TPTE2: variants seen among roughly 807,000 people sequenced by gnomAD.
The protein encoded by TPTE2 is transmembrane phosphoinositide 3-phosphatase and tensin homolog 2.
TPTE2 carries 53 observed loss-of-function variants against 78.6 expected under a neutral mutation model. The observed-to-expected ratio is 0.67, with a 90% CI of 0.54 to 0.85. TPTE2 has a LOEUF of 0.85. Among genes scored for constraint, TPTE2 ranks in the 40% least tolerant of loss-of-function variants. The probability of loss-of-function intolerance (pLI) is 0.00; values close to 1 mark genes in which losing one functional copy is unlikely to be tolerated. For synonymous variants in TPTE2, 175 were observed against 206.2 expected (o/e 0.85, Z 1.30); for missense variants, 461 against 623.0 (o/e 0.74, Z 2.77).
intron 3 of TPTE2, among the ~76,000 whole-genome samples, chr13:19,490,571 A>G (rs1593392812): frequency 1.3e-5 from 2 of 152,234 alleles, no homozygotes; most frequent in East Asian, 3.9e-4. Flanking sequence ...CATAAAATCA[A>G]CTTCAGTTTG....
intron 1 of TPTE2, among the ~76,000 whole-genome samples, chr13:19,511,576 A>T (rs757235585): frequency 1.3e-5 from 2 of 152,182 alleles, no homozygotes; most frequent in Non-Finnish European, 2.9e-5. Flanking sequence ...TCTAAAGGGC[A>T]TCAGGTTCTT....
In TPTE2 at chr13:19,512,024, T is replaced by C. The variant is rs190722604; in HGVS notation, c.-43-8747A>G. ...TATCTCCCCCCAAAGTGGATATTAA[T>C]TAGAAACTGAATAATATTTACTTGT... is the stretch of plus-strand genomic sequence containing the variant. On this transcript the variant is annotated intron_variant, in intron 1 of 17. Transcript: ENST00000390680. Among the ~76,000 whole-genome samples, 16 of 152,296 alleles carry C rather than the reference T, an allele frequency of 1.1e-4. No homozygotes were observed. In the East Asian group the frequency reaches 3.1e-3, roughly 29 times the overall value.
intron 1 of TPTE2, among the ~76,000 whole-genome samples, chr13:19,517,830 C>G (rs1453089530): frequency 1.3e-5 from 2 of 152,116 alleles, no homozygotes; most frequent in Non-Finnish European, 2.9e-5. Context: ...CATACAGATA[C>G]TCATTAAAGA....
chr13:19,492,858 G>A, exon 3 of TPTE2: 1 of 1,613,916 alleles, frequency 6.2e-7, no homozygotes, highest in South Asian at 1.1e-5. Context: ...ACCTTTTACT[G>A]ATAGGTGACA....
chr13:19,494,486 C>A (rs1284450139), intron 1 of TPTE2, among the ~76,000 whole-genome samples: 2 of 152,170 alleles, frequency 1.3e-5, no homozygotes, highest in African/African-American at 4.8e-5. Flanking sequence ...CAGCTCACTG[C>A]AAACTCCACT....
chr13:19,423,218 C>T (rs1355148674), intron 19 of TPTE2, 54 bp from the exon 23 acceptor site: 14 of 1,418,966 alleles, frequency 9.9e-6, no homozygotes, highest in South Asian at 4.0e-5. Context: ...CAAAAAGCCA[C>T]GCAGTTGGGT....
intron 3 of TPTE2, among the ~76,000 whole-genome samples, chr13:19,485,774 T>C (rs1444289087): frequency 3.3e-5 from 5 of 152,088 alleles, no homozygotes; most frequent in Non-Finnish European, 5.9e-5. Flanking sequence ...GTCTTCAAGT[T>C]CAGAAATTAT....
intron 1 of TPTE2, among the ~76,000 whole-genome samples, chr13:19,520,189 TAG>T (rs1027413387): frequency 4.6e-5 from 7 of 152,176 alleles, no homozygotes; most frequent in African/African-American, 1.4e-4. Context: ...TGCAAAAAAA[TAG>T]AGTTTCACTT....
rs376048018 is a variant in TPTE2 at position 19,523,183 on chromosome 13, C to T, written c.-44+13413G>A. 8.5e-5 allele frequency among the ~76,000 whole-genome samples: 13 copies of T among 152,192 alleles called. No homozygotes were observed. In the East Asian group the frequency reaches 2.5e-3, roughly 29 times the overall value. ...CCATTTTGTTCCTTTCTATGGCTCC[C>T]AGGAGCTTGTTTTTCACCAAGATTG... On this transcript the variant is annotated intron_variant, in intron 1 of 17. Coordinates refer to the TPTE2 transcript ENST00000390680.
upstream of TPTE2, among the ~76,000 whole-genome samples, chr13:19,539,898 A>G (rs1247329768): frequency 1.3e-5 from 2 of 152,146 alleles, no homozygotes; most frequent in Non-Finnish European, 2.9e-5. Context: ...TAATCCCAGC[A>G]GTTTGGGAAG....
intron 10 of TPTE2, among the ~76,000 whole-genome samples, chr13:19,463,258 G>T (rs1879057295): frequency 6.6e-6 from 1 of 152,142 alleles, no homozygotes; most frequent in African/African-American, 2.4e-5. Flanking sequence ...TGGGATAACA[G>T]GTGTGAACCA....
intron 10 of TPTE2, among the ~76,000 whole-genome samples, chr13:19,463,667 T>C (rs1388551677): frequency 6.6e-6 from 1 of 152,174 alleles, no homozygotes. Flanking sequence ...TTGTCTCCTA[T>C]AGTGTTCATT....
At chr13:19,428,451 A>G (rs1018028597) in intron 17 of TPTE2, among the ~76,000 whole-genome samples, 1 of 151,934 alleles carries the variant, frequency 6.6e-6, no homozygotes, top group Non-Finnish European at 1.5e-5. Flanking sequence ...TCCATCTCAG[A>G]AAAAAAAGAA....
chr13:19,548,616 T>C, the TPTE2 span, among the ~76,000 whole-genome samples: 13,439 of 145,920 alleles, frequency 0.092, 586 homozygotes, highest in Middle Eastern at 0.19. Context: ...AAATTGAGAG[T>C]TACTCTAGGA....
intron 15 of TPTE2, among the ~76,000 whole-genome samples, 162 bp from the exon 19 acceptor site, chr13:19,432,740 C>T (rs931480162): frequency 1.3e-5 from 2 of 150,326 alleles, no homozygotes; most frequent in Non-Finnish European, 3.0e-5. Context: ...GGGATGCTGC[C>T]CCACAACTAT....
In TPTE2 at chr13:19,498,008, A is replaced by C. The variant is rs1338984849; in HGVS notation, c.12-4507T>G. On this transcript the variant is annotated intron_variant, in intron 1 of 19. Transcript: ENST00000400230. ...TCGAGAACTACGTGAAGAATGCAGA[A>C]GCCTCAGGAGCCGATGCGATCAACT... 5.3e-5 allele frequency among the ~76,000 whole-genome samples: 8 copies of C among 151,650 alleles called. No homozygotes were observed. The South Asian group carries it at 1.3e-3, about 24-fold the overall frequency.
chr13:19,425,913 C>T, intron 18 of TPTE2: 1 of 414,680 alleles, frequency 2.4e-6, no homozygotes, highest in South Asian at 1.5e-5. Context: ...ACTGAGTCAC[C>T]CAAACCTAAC....
rs138648635 is a variant in TPTE2 at position 19,521,150 on chromosome 13, T to C, written c.-44+15446A>G. Reference sequence around the variant, plus strand: ...TTATTCAAGTCTTACATTTTCTTATTGATTTTCTGCCCAATTGTCTAGCTA... The same window carrying C: ...TTATTCAAGTCTTACATTTTCTTATCGATTTTCTGCCCAATTGTCTAGCTA... On this transcript the variant is annotated intron_variant, in intron 1 of 17. Transcript: ENST00000390680. Among the ~76,000 whole-genome samples the C allele has an allele frequency of 8.9e-3, 1,349 of 152,120 alleles. 25 individuals are homozygous for C. Among genetic ancestry groups the C allele is most frequent in the African/African-American group, 0.031 (1,294 of 41,538 alleles).
chr13:19,446,802 A>G (rs1188748841), intron 13 of TPTE2, among the ~76,000 whole-genome samples: 1 of 152,086 alleles, frequency 6.6e-6, no homozygotes, highest in African/African-American at 2.4e-5. Flanking sequence ...TTAGCCAGGC[A>G]TGGTGATGCT....
Sources: gnomAD v4.1 joint callset for allele counts (sites outside exome capture counted in the v4.1 genomes callset) on GRCh38, gnomAD v4.1.1 for gene constraint, MANE v1.5 for transcripts, NCBI Gene and HGNC (gene_info 2026-07-23, HGNC 2026-07-21) for gene names.